The following OR11A1 variants were observed in gnomAD, a reference collection of about 807,000 sequenced individuals.
OR11A1 encodes the protein olfactory receptor 11A1.
For synonymous variants in OR11A1, 158 were observed against 152.2 expected, an observed-to-expected ratio of 1.04 and a Z score of -0.28; for missense variants, 380 against 378.2, an observed-to-expected ratio of 1.00 and a Z score of -0.04.
rs1427495124 is a variant in OR11A1, at chr6:29,426,747, G to A, written c.895C>T (p.His299Tyr). The A allele has an allele frequency of 1.9e-6, 3 of 1,612,790 alleles. No homozygotes were observed. Among genetic ancestry groups the A allele is most frequent in the African/African-American group, 2.7e-5 (2 of 74,896 alleles). The part of the protein sequence containing the change: ...VIYTMRNKEV[H>Y]QALRKILCIK... ...CAGAGAATCTTCCGAAGTGCCTGAT[G>A]CACCTCCTTGTTCCTCATGGTATAG... Residue 299 changes from histidine to tyrosine, a missense_variant, in exon 5 of 5, where the codon CAT (histidine) becomes TAT (tyrosine). Coordinates refer to ENST00000377149, the MANE Select transcript of OR11A1 (RefSeq NM_001394828.1).
intron 2 of OR11A1, among the ~76,000 whole-genome samples, chr6:29,430,765 A>T (rs927238264): frequency 2.6e-5 from 4 of 152,190 alleles, no homozygotes; most frequent in Non-Finnish European, 5.9e-5. Context: ...ATCGCTACAC[A>T]ATATATTCAT....
intron 3 of OR11A1, 102 bp from the exon 4 acceptor site, chr6:29,429,062 A>G: frequency 1.6e-5 from 3 of 183,354 alleles, no homozygotes; most frequent in Non-Finnish European, 2.1e-5. Context: ...ACATAATACT[A>G]ACAGTGTTAC....
At chr6:29,441,153 T>C (rs1238591719) in intron 1 of OR11A1, among the ~76,000 whole-genome samples, 1 of 152,198 alleles carries the variant, frequency 6.6e-6, no homozygotes, top group Admixed American at 6.5e-5. Flanking sequence ...TTCCGCTTTC[T>C]GTTGCAAGAA....
rs1037601729 is a variant in OR11A1, at chr6:29,430,341, A to G, written c.-180T>C. On this transcript the variant is annotated 5_prime_UTR_variant, in exon 3 of 5. Transcript: ENST00000377149. ...GCATTTCCTTGTGAGTGAATCTGGC[A>G]CTCCCTATGTGGGCCATCTTTAACT... is the stretch of plus-strand genomic sequence containing the variant. 1 of 985,282 alleles carries G rather than the reference A, an allele frequency of 1.0e-6. No individual in the cohort carries two copies. The highest frequency in any genetic ancestry group is 1.2e-6 in the Non-Finnish European group (1 of 829,910). 61.0% of individuals were successfully genotyped at this position (985,282 alleles called of 1,614,324 possible).
chr6:29,440,673 A>G (rs756677933), intron 1 of OR11A1: 2 of 1,614,084 alleles, frequency 1.2e-6, no homozygotes, highest in Admixed American at 1.7e-5. Context: ...CTACGGGCGT[A>G]TCCTCGTTAC....
chr6:29,448,687 C>T (rs180932101), intron 1 of OR11A1, among the ~76,000 whole-genome samples: 200 of 152,302 alleles, frequency 1.3e-3, no homozygotes, highest in Middle Eastern at 6.8e-3. Flanking sequence ...AATTCTTATT[C>T]CTTTTCAAGC....
chr6:29,426,850 A>C lies in OR11A1; in HGVS notation c.792T>G (p.Ser264=). 6.2e-7 allele frequency: 1 copy of C among 1,613,150 alleles called. No individual in the cohort carries two copies. The highest frequency in any genetic ancestry group is 8.5e-7 in the Non-Finnish European group (1 of 1,180,040). ...TGGAGAGGAGCTGGGAATGGACAGC[A>C]GAGGGTGCAACATAAAAGATCATGA... The part of the protein sequence containing the change: ...GTLMIFYVAP[S]AVHSQLLSKV... Residue 264 remains serine (S), a synonymous_variant, in exon 5 of 5, where the codon TCT becomes TCG. Transcript: ENST00000377149.
At chr6:29,440,794 G>A (rs145984332) in intron 1 of OR11A1, 3 of 1,613,946 alleles carry the variant, frequency 1.9e-6, no homozygotes, top group South Asian at 1.1e-5. Context: ...ATCTATATTC[G>A]CCCTAAGGCC....
At chr6:29,454,397 A>T (rs1785800062) in intron 1 of OR11A1, among the ~76,000 whole-genome samples, 1 of 152,176 alleles carries the variant, frequency 6.6e-6, no homozygotes, top group African/African-American at 2.4e-5. Context: ...ATCATTGGTT[A>T]TTAAGAACAT....
intron 1 of OR11A1, among the ~76,000 whole-genome samples, chr6:29,445,347 G>T (rs1366238411): frequency 6.6e-6 from 1 of 152,182 alleles, no homozygotes; most frequent in Non-Finnish European, 1.5e-5. Context: ...AGTAAGAAGT[G>T]ACTGTGGCAT....
At chr6:29,435,966 T>C (rs1783597654) in intron 1 of OR11A1, among the ~76,000 whole-genome samples, 1 of 152,246 alleles carries the variant, frequency 6.6e-6, no homozygotes, top group Admixed American at 6.5e-5. Flanking sequence ...ATTAACACAA[T>C]GTCCGGTTGA....
chr6:29,441,792 T>C lies in OR11A1; in HGVS notation c.-388-9805A>G, dbSNP rs141573188. Among the ~76,000 whole-genome samples, 1,008 of 152,324 alleles carry C rather than the reference T, an allele frequency of 6.6e-3. 8 individuals carry two copies. Among genetic ancestry groups the C allele is most frequent in the Middle Eastern group, 0.01 (3 of 294 alleles). ...TGTTGTTCCTTTCTTTGTGTTCATG[T>C]GTACTCAGTGTTAGGTCCCACTTTT... is the stretch of plus-strand genomic sequence containing the variant. On this transcript the variant is annotated intron_variant, in intron 1 of 4. Transcript: ENST00000377149.
intron 1 of OR11A1, chr6:29,440,268 C>G: frequency 6.2e-7 from 1 of 1,614,060 alleles, no homozygotes; most frequent in Non-Finnish European, 8.5e-7. Flanking sequence ...TCACCACCTC[C>G]TTACTGGCCG....
chr6:29,446,110 C>CT (rs1022824550), intron 1 of OR11A1, among the ~76,000 whole-genome samples: 1 of 151,808 alleles, frequency 6.6e-6, no homozygotes, highest in Non-Finnish European at 1.5e-5. Flanking sequence ...ATCTATTCAA[C>CT]TTTTTTTTTC....
At chr6:29,447,536 A>G (rs911110874) in intron 1 of OR11A1, among the ~76,000 whole-genome samples, 8 of 152,218 alleles carry the variant, frequency 5.3e-5, no homozygotes, top group Non-Finnish European at 1.0e-4. Context: ...TGGCTGGAGC[A>G]CTTTTAAGTC....
Position 29,426,893 on chromosome 6 carries a change from G to T in OR11A1, c.749C>A (p.Thr250Asn). The change falls in exon 5 of 5, where the codon ACC becomes AAC. Residue 250 changes from threonine (T) to asparagine (N), a missense_variant. Coordinates refer to ENST00000377149, the MANE Select transcript of OR11A1 (RefSeq NM_001394828.1). ...GATCATGAGCGTTCCATAGAATGTG[G>T]TCACTACAGCTAGGTGGGAGGAGCA... ...STCSSHLAVV[T>N]TFYGTLMIFY... 1 of 1,613,046 alleles carries T rather than the reference G, an allele frequency of 6.2e-7. No individual in the cohort carries two copies. The highest frequency in any genetic ancestry group is 1.3e-5 in the African/African-American group (1 of 75,036).
rs189791734 is a variant in OR11A1, at chr6:29,448,474, A to G, written c.-389+8513T>C. Among the ~76,000 whole-genome samples, 1,217 of 152,300 alleles carry G rather than the reference A, an allele frequency of 8.0e-3. 14 individuals carry two copies. Among genetic ancestry groups the G allele is most frequent in the East Asian group, 0.025 (131 of 5,184 alleles). Reference sequence around the variant, plus strand: ...TTATGTTGCCACATTTGGATGCCCCATAAGGGTCACTTGAGAAAATCATGA... The same window carrying G: ...TTATGTTGCCACATTTGGATGCCCCGTAAGGGTCACTTGAGAAAATCATGA... On this transcript the variant is annotated intron_variant, in intron 1 of 4. Transcript: ENST00000377149.
intron 1 of OR11A1, among the ~76,000 whole-genome samples, chr6:29,448,021 T>C (rs6929950): frequency 0.036 from 5,097 of 141,040 alleles, 220 homozygotes; most frequent in African/African-American, 0.11. Context: ...TTTTTTTTTT[T>C]TTTTTTTTTT....
chr6:29,452,292 G>A (rs1012909253), intron 1 of OR11A1, among the ~76,000 whole-genome samples: 3 of 151,942 alleles, frequency 2.0e-5, no homozygotes, highest in Non-Finnish European at 2.9e-5. Flanking sequence ...CAATTTACCC[G>A]TGTAACAAAC....
Sources: gnomAD v4.1 joint callset for allele counts (sites outside exome capture counted in the v4.1 genomes callset) on GRCh38, gnomAD v4.1.1 for gene constraint, MANE v1.5 for transcripts, NCBI Gene and HGNC (gene_info 2026-07-23, HGNC 2026-07-21) for gene names.